The following RAD54L2 variants were observed in gnomAD, a reference collection of about 807,000 sequenced individuals.
RAD54L2 encodes RAD54 like 2, also known as helicase ARIP4.
RAD54L2 carries 27 observed loss-of-function variants against 138.4 expected under a neutral mutation model. The observed-to-expected ratio is 0.20, with a 90% confidence interval of 0.14 to 0.27. RAD54L2 has a LOEUF of 0.27. RAD54L2 is among the 10% of genes least tolerant of loss of function. The pLI is 1.00. For synonymous variants in RAD54L2, 644 were observed against 723.2 expected (o/e 0.89, Z 1.76); for missense variants, 1,396 against 1,890.2 (o/e 0.74, Z 4.85).
chr3:51,658,414 A>G (rs377046205), intron 21 of RAD54L2, among the ~76,000 whole-genome samples: 10 of 152,280 alleles, frequency 6.6e-5, no homozygotes, highest in African/African-American at 2.4e-4. Context: ...GGGTTGCATG[A>G]TAGAATTTTT....
intron 2 of RAD54L2, among the ~76,000 whole-genome samples, chr3:51,557,577 A>G (rs1293926877): frequency 6.6e-6 from 1 of 151,918 alleles, no homozygotes; most frequent in Non-Finnish European, 1.5e-5. Flanking sequence ...CACGCCTGTA[A>G]TCTCAACACT....
chr3:51,582,832 C>T (rs1172822642), intron 2 of RAD54L2, among the ~76,000 whole-genome samples: 1 of 151,182 alleles, frequency 6.6e-6, no homozygotes, highest in Admixed American at 6.6e-5. Flanking sequence ...GTGGCGCAAT[C>T]TCGGCTCACT....
At chr3:51,564,264 A>G (rs183219554) in intron 2 of RAD54L2, among the ~76,000 whole-genome samples, 2 of 152,304 alleles carry the variant, frequency 1.3e-5, no homozygotes, top group East Asian at 1.9e-4. Flanking sequence ...CACAGAATAC[A>G]TTAGATTTGG....
chr3:51,550,725 C>T (rs1212297501), intron 2 of RAD54L2, among the ~76,000 whole-genome samples: 3 of 152,042 alleles, frequency 2.0e-5, no homozygotes, highest in Admixed American at 6.6e-5. Context: ...CAGGGCAACA[C>T]AGTAAGATCC....
intron 19 of RAD54L2, among the ~76,000 whole-genome samples, chr3:51,649,490 A>G (rs1033531997): frequency 1.2e-4 from 18 of 152,262 alleles, no homozygotes; most frequent in Non-Finnish European, 2.2e-4. Context: ...CAAGACACAT[A>G]ATTGTCAGAT....
At position 51,662,370 on chromosome 3, in the gene RAD54L2, AC is replaced by A. The variant is rs1701801032; in HGVS notation, c.3410-53del. On this transcript the variant is annotated intron_variant, in intron 22 of 22. Transcript: ENST00000684192. This position sits in a 1 kb window ranked among gnomAD's most constrained non-coding sequence, Gnocchi z 4.6. ...TTTTTTTAATGGAGTTTTCTCCTCTACCCTTCTTCTCTCCCTGGCCACTCTG... is the reference window on the plus strand; with the variant it reads ...TTTTTTTAATGGAGTTTTCTCCTCTACCTTCTTCTCTCCCTGGCCACTCTG... The A allele has an allele frequency of 1.4e-6, 2 of 1,423,218 alleles. No homozygotes were observed. Among genetic ancestry groups the A allele is most frequent in the East Asian group, 4.9e-5 (2 of 40,580 alleles). 88.2% of individuals were successfully genotyped at this position (1,423,218 alleles called of 1,614,324 possible). A position where few individuals can be genotyped will look rare whatever the true frequency, so the allele number is the denominator to read the frequency against.
chr3:51,600,773 C>G (rs142026636), intron 3 of RAD54L2, among the ~76,000 whole-genome samples: 4 of 152,226 alleles, frequency 2.6e-5, no homozygotes, highest in East Asian at 1.9e-4. Context: ...CAGAGACAAG[C>G]CTGACCAATA....
intron 2 of RAD54L2, among the ~76,000 whole-genome samples, chr3:51,579,039 G>A (rs1388629133): frequency 2.6e-5 from 4 of 152,242 alleles, no homozygotes; most frequent in African/African-American, 7.2e-5. Flanking sequence ...TTCCCTGGCC[G>A]GACTCCTCTC....
At chr3:51,553,506 T>A (rs1698894231) in intron 2 of RAD54L2, among the ~76,000 whole-genome samples, 1 of 152,162 alleles carries the variant, frequency 6.6e-6, no homozygotes. Flanking sequence ...GTCACACACA[T>A]TTTTTGGTTT....
At chr3:51,642,353 G>A (rs572176466) in intron 15 of RAD54L2, among the ~76,000 whole-genome samples, 1 of 148,962 alleles carries the variant, frequency 6.7e-6, no homozygotes, top group Non-Finnish European at 1.5e-5. Flanking sequence ...TTTTTGAGCA[G>A]GGGGTGGAAA....
chr3:51,576,368 A>G (rs1236320011), intron 2 of RAD54L2, among the ~76,000 whole-genome samples: 2 of 152,136 alleles, frequency 1.3e-5, no homozygotes, highest in Non-Finnish European at 2.9e-5. Flanking sequence ...TCATAAAATG[A>G]GTTAGGTAGG....
intron 7 of RAD54L2, 47 bp from the exon 8 acceptor site, chr3:51,633,530 C>T: frequency 6.5e-7 from 1 of 1,548,166 alleles, no homozygotes; most frequent in Non-Finnish European, 8.9e-7. Context: ...AAACTGGAGC[C>T]CTCATCTTTG....
chr3:51,612,634 T>TTACTTATATAC (rs1457775532), intron 3 of RAD54L2, among the ~76,000 whole-genome samples: 1 of 152,044 alleles, frequency 6.6e-6, no homozygotes. Context: ...ACTTATGTTG[T>TTACTTATATAC]TAGTAACAGC....
intron 3 of RAD54L2, 118 bp downstream of exon 3, chr3:51,590,677 C>A: frequency 7.4e-7 from 1 of 1,360,274 alleles, no homozygotes; most frequent in Non-Finnish European, 1.0e-6. Context: ...TGGGAAGATA[C>A]AGACTAGGAA....
chr3:51,629,454 T>C lies in RAD54L2; in HGVS notation c.462T>C (p.Val154=). Reference sequence around the variant, plus strand: ...ATTATGCAGCCCCTATTCCTACTGTTCCGCTGGAGTTCCTCCCTGGTAAGC... The same window carrying C: ...ATTATGCAGCCCCTATTCCTACTGTCCCGCTGGAGTTCCTCCCTGGTAAGC... ...RKDYAAPIPT[V]PLEFLPEEIA... Residue 154 remains valine, a synonymous_variant, in exon 5 of 23, where the codon GTT becomes GTC. Transcript: ENST00000684192. 1 of 1,612,720 alleles carries C rather than the reference T, an allele frequency of 6.2e-7. No individual in the cohort carries two copies. Among genetic ancestry groups the C allele is most frequent in the Non-Finnish European group, 8.5e-7 (1 of 1,179,456 alleles).
At chr3:51,661,429 AACAT>A (rs1350836235) in intron 22 of RAD54L2, among the ~76,000 whole-genome samples, 1 of 152,244 alleles carries the variant, frequency 6.6e-6, no homozygotes, top group Non-Finnish European at 1.5e-5. Context: ...GTTCCCTGTC[AACAT>A]ACATTTTGAT....
At chr3:51,557,463 G>A (rs1323265080) in intron 2 of RAD54L2, among the ~76,000 whole-genome samples, 2 of 151,910 alleles carry the variant, frequency 1.3e-5, no homozygotes, top group Non-Finnish European at 2.9e-5. Flanking sequence ...GATTAGAGGT[G>A]TGAGCCACTG....
chr3:51,633,588 C>T lies in RAD54L2; in HGVS notation c.837C>T (p.Ile279=). The T allele has an allele frequency of 6.2e-7, 1 of 1,613,618 alleles. No homozygotes were observed. The highest frequency in any genetic ancestry group is 8.5e-7 in the Non-Finnish European group (1 of 1,179,568). The change falls in exon 8 of 23, where the codon ATC becomes ATT. Residue 279 remains isoleucine, a synonymous_variant. Transcript: ENST00000684192. ...RAVKPHQIGG[I]RFLYDNLVES... ...TTGTCCCTTGTCAGATTGGCGGGAT[C>T]CGGTTCCTTTACGATAACCTAGTGG...
intron 2 of RAD54L2, among the ~76,000 whole-genome samples, chr3:51,578,451 A>G (rs2106682473): frequency 6.6e-6 from 1 of 152,274 alleles, no homozygotes; most frequent in Middle Eastern, 3.4e-3. Flanking sequence ...GCCAAGGGAG[A>G]GGAGATAGAC....
Sources: gnomAD v4.1 joint callset for allele counts (sites outside exome capture counted in the v4.1 genomes callset) on GRCh38, gnomAD v4.1.1 for gene constraint, Gnocchi (gnomAD v3.1) non-coding constraint, MANE v1.5 for transcripts, NCBI Gene and HGNC (gene_info 2026-07-23, HGNC 2026-07-21) for gene names.